The following OAS1 variants were observed in gnomAD, a reference collection of about 807,000 sequenced individuals.
The protein encoded by OAS1 is 2'-5'-oligoadenylate synthetase 1.
A neutral mutation model predicts 38.5 loss-of-function variants in OAS1; 24 were observed. The observed-to-expected ratio is 0.62, with a 90% CI of 0.45 to 0.88. The LOEUF (loss-of-function observed/expected upper bound fraction) is 0.88. Ranked by LOEUF, OAS1 falls within the 40% of genes least tolerant of loss-of-function variation. The probability of loss-of-function intolerance (pLI) is 0.00; values close to 1 mark genes in which losing one functional copy is unlikely to be tolerated. For synonymous variants in OAS1, 169 were observed against 193.9 expected (o/e 0.87, Z 1.07); for missense variants, 482 against 493.9 (o/e 0.98, Z 0.23).
chr12:112,911,292 G>A, intron 3 of OAS1, 57 bp downstream of exon 3: 1 of 1,397,020 alleles, frequency 7.2e-7, no homozygotes, highest in Non-Finnish European at 9.8e-7. Context: ...CAGAGGAGGG[G>A]TGGGGGGAGG....
chr12:112,916,401 G>A, intron 3 of OAS1, 108 bp from the exon 4 acceptor site: 1 of 777,848 alleles, frequency 1.3e-6, no homozygotes, highest in Non-Finnish European at 2.1e-6. Flanking sequence ...TTCGTTCCAA[G>A]GAAACTTTAT....
chr12:112,923,306 G>GT (rs1359812427), downstream of OAS1, among the ~76,000 whole-genome samples: 14 of 152,154 alleles, frequency 9.2e-5, no homozygotes, highest in African/African-American at 3.4e-4. Context: ...CCTCCATACT[G>GT]TTTTTCACAG....
chr12:112,919,238 T>C, intron 5 of OAS1, 151 bp from the exon 6 acceptor site: 1 of 715,156 alleles, frequency 1.4e-6, no homozygotes, highest in Middle Eastern at 4.0e-4. Context: ...GAAGTCTGTC[T>C]GCTGACCACT....
chr12:112,931,086 G>A (rs2043594193), intron 6 of OAS1, among the ~76,000 whole-genome samples: 1 of 152,152 alleles, frequency 6.6e-6, no homozygotes, highest in South Asian at 2.1e-4. Context: ...ATAAAGAGAG[G>A]CTTTTTCTGA....
intron 2 of OAS1, among the ~76,000 whole-genome samples, chr12:112,909,796 A>G (rs1187183257): frequency 6.6e-6 from 1 of 152,226 alleles, no homozygotes; most frequent in African/African-American, 2.4e-5. Context: ...GGGAAATGCG[A>G]TGACATCTGT....
downstream of OAS1, among the ~76,000 whole-genome samples, chr12:112,921,064 A>G (rs551764179): frequency 6.6e-6 from 1 of 152,318 alleles, no homozygotes; most frequent in African/African-American, 2.4e-5. Flanking sequence ...AGAAGCATCA[A>G]TGTCCAGGGG....
chr12:112,913,881 A>G (rs1384216564), intron 3 of OAS1, among the ~76,000 whole-genome samples: 3 of 152,092 alleles, frequency 2.0e-5, no homozygotes, highest in Non-Finnish European at 4.4e-5. Context: ...TGGCTCTGAT[A>G]CCTCTCCTTT....
intron 2 of OAS1, among the ~76,000 whole-genome samples, chr12:112,910,168 G>C (rs2043355738): frequency 6.6e-6 from 1 of 152,158 alleles, no homozygotes; most frequent in Non-Finnish European, 1.5e-5. Context: ...AGGAATTCAA[G>C]ACCAGCCTGG....
Position 112,917,573 on chromosome 12 carries a change from C to G in OAS1, c.911C>G (p.Pro304Arg), listed in dbSNP as rs527538398. 14 of 1,614,176 alleles carry G rather than the reference C, an allele frequency of 8.7e-6. 1 individual carries two copies. In the South Asian group the frequency reaches 1.5e-4, roughly 18 times the overall value. ...PRPVILDPAD[P>R]TGNLGGGDPK... ...CCTGTGATCCTGGACCCGGCGGACC[C>G]TACAGGAAACTTGGGTGGTGGAGAC... Residue 304 changes from proline (P) to arginine (R), a missense_variant, in exon 5 of 6, where the codon CCT (proline) becomes CGT (arginine). Physicochemically the swap from Pro to Arg is moderately radical, Grantham distance 103. Transcript: ENST00000202917.
chr12:112,908,904 A>C (rs765654789), intron 2 of OAS1, 80 bp downstream of exon 2: 2 of 1,445,938 alleles, frequency 1.4e-6, no homozygotes, highest in Admixed American at 4.5e-5. Flanking sequence ...TTTTTGCCCC[A>C]ACAGGGCATC....
At chr12:112,929,673 G>A (rs1225106204) in intron 6 of OAS1, among the ~76,000 whole-genome samples, 1 of 152,204 alleles carries the variant, frequency 6.6e-6, no homozygotes, top group Non-Finnish European at 1.5e-5. Context: ...TAGGGAAGCT[G>A]AGGCACAGAG....
At chr12:112,932,123 AC>A (rs890214421) in exon 7 of OAS1, 2 of 535,618 alleles carry the variant, frequency 3.7e-6, no homozygotes, top group Non-Finnish European at 6.5e-6. Context: ...CCATATGAAT[AC>A]ATGTGAACTC....
intron 3 of OAS1, among the ~76,000 whole-genome samples, chr12:112,914,730 G>GTTTTTTTTTTT (rs60578734): frequency 2.9e-4 from 34 of 118,444 alleles, no homozygotes; most frequent in Non-Finnish European, 3.5e-4. Context: ...GTTGGTATTT[G>GTTTTTTTTTTT]TTTTTTTTTT....
At chr12:112,914,118 C>A (rs1321960617) in intron 3 of OAS1, among the ~76,000 whole-genome samples, 1 of 152,134 alleles carries the variant, frequency 6.6e-6, no homozygotes, top group Non-Finnish European at 1.5e-5. Context: ...CCGCAAAGTC[C>A]CATGTATCAT....
At chr12:112,923,106 C>T (rs1404132865), downstream of OAS1, among the ~76,000 whole-genome samples, 1 of 152,186 alleles carries the variant, frequency 6.6e-6, no homozygotes, top group Admixed American at 6.5e-5. Context: ...GCACTGTATA[C>T]ATTAATTTTC....
chr12:112,930,591 C>G (rs1224107755), intron 6 of OAS1, among the ~76,000 whole-genome samples: 2 of 152,342 alleles, frequency 1.3e-5, no homozygotes, highest in Non-Finnish European at 1.5e-5. Flanking sequence ...CTCCTACAGC[C>G]CCCTCCTCAG....
intron 6 of OAS1, among the ~76,000 whole-genome samples, chr12:112,925,047 G>A (rs970860915): frequency 4.6e-5 from 7 of 152,236 alleles, no homozygotes; most frequent in Middle Eastern, 3.4e-3. Flanking sequence ...CCTCCCTGCC[G>A]AGAAAACAAA....
intron 3 of OAS1, among the ~76,000 whole-genome samples, chr12:112,914,130 C>G (rs1323839546): frequency 6.6e-6 from 1 of 152,174 alleles, no homozygotes; most frequent in African/African-American, 2.4e-5. Context: ...ATGTATCATT[C>G]TTATGCCTTT....
chr12:112,914,730 GTTT>G (rs60578734), intron 3 of OAS1, among the ~76,000 whole-genome samples: 11,090 of 118,570 alleles, frequency 0.094, 1,350 homozygotes, highest in African/African-American at 0.31. Flanking sequence ...GTTGGTATTT[GTTT>G]TTTTTTTTTT....
Sources: allele counts gnomAD v4.1 joint callset (sites outside exome capture counted in the v4.1 genomes callset), GRCh38; gene constraint gnomAD v4.1.1; transcripts MANE v1.5; gene names NCBI Gene and HGNC (gene_info 2026-07-23, HGNC 2026-07-21).